The following STPG2 variants were observed in gnomAD, a reference collection of about 807,000 sequenced individuals.
STPG2 encodes the protein sperm-tail PG-rich repeat-containing protein 2.
A neutral mutation model predicts 54.2 loss-of-function variants in STPG2; 56 were observed. That is an observed-to-expected ratio of 1.03 (90% CI 0.83 to 1.29). STPG2 has a LOEUF of 1.29. Ranked by LOEUF, STPG2 falls within the 50% of genes most tolerant of loss-of-function variation. The pLI is 0.00. For synonymous variants in STPG2, 200 were observed against 181.8 expected (o/e 1.10, Z -0.81); for missense variants, 596 against 544.9 (o/e 1.09, Z -0.93).
intron 9 of STPG2, among the ~76,000 whole-genome samples, chr4:97,735,064 C>G (rs1470748832): frequency 1.1e-5 from 1 of 88,770 alleles, no homozygotes; most frequent in Non-Finnish European, 2.3e-5. Flanking sequence ...GAGAGCGAGA[C>G]ATCGTCTCAA....
intron 4 of STPG2, among the ~76,000 whole-genome samples, chr4:97,531,569 GA>G (rs1307837946): frequency 1.3e-5 from 2 of 152,178 alleles, no homozygotes; most frequent in Admixed American, 6.5e-5. Flanking sequence ...AACATTGATG[GA>G]AATGGAGGTC....
chr4:97,955,783 G>T (rs1241969867), intron 7 of STPG2, among the ~76,000 whole-genome samples: 4 of 152,032 alleles, frequency 2.6e-5, no homozygotes, highest in African/African-American at 9.7e-5. Context: ...GAAACAATAA[G>T]CTGGACAGCT....
At chr4:97,778,922 C>G (rs1007791646) in intron 9 of STPG2, among the ~76,000 whole-genome samples, 2 of 152,078 alleles carry the variant, frequency 1.3e-5, no homozygotes, top group Non-Finnish European at 1.5e-5. Context: ...ACACCAAAAC[C>G]CCATCTGAAC....
intron 10 of STPG2, among the ~76,000 whole-genome samples, chr4:97,701,931 G>A (rs564339368): frequency 6.6e-5 from 10 of 152,070 alleles, no homozygotes; most frequent in Admixed American, 6.6e-5. Flanking sequence ...GTTGAGTGAC[G>A]GTGGTTCCCA....
chr4:97,859,297 T>C (rs577889502), intron 8 of STPG2, among the ~76,000 whole-genome samples: 4 of 152,170 alleles, frequency 2.6e-5, no homozygotes, highest in Non-Finnish European at 5.9e-5. Context: ...TTCTTGATAT[T>C]GGTCCTTTGT....
intron 10 of STPG2, among the ~76,000 whole-genome samples, chr4:97,656,462 T>A (rs1221317272): frequency 6.6e-6 from 1 of 151,992 alleles, no homozygotes; most frequent in East Asian, 1.9e-4. Flanking sequence ...TCAAATCTTT[T>A]CTCTCCATTA....
chr4:97,672,193 G>A (rs566495163), intron 10 of STPG2, among the ~76,000 whole-genome samples: 56 of 76,846 alleles, frequency 7.3e-4, no homozygotes, highest in Admixed American at 1.6e-3. Flanking sequence ...TTTTTTTTGA[G>A]ATGGAGTTTC....
intron 8 of STPG2, among the ~76,000 whole-genome samples, chr4:97,847,820 GC>G (rs35536326): frequency 0.16 from 24,491 of 152,022 alleles, 2,126 homozygotes; most frequent in East Asian, 0.35. Flanking sequence ...TACAAAGCTG[GC>G]TTTTACTTTT....
chr4:97,952,488 T>A (rs1298428402), intron 7 of STPG2, among the ~76,000 whole-genome samples: 1 of 152,170 alleles, frequency 6.6e-6, no homozygotes, highest in Non-Finnish European at 1.5e-5. Context: ...CATACTTTCC[T>A]TTCGCCTAGG....
chr4:98,027,742 A>G (rs1736471307), intron 5 of STPG2, among the ~76,000 whole-genome samples: 1 of 152,200 alleles, frequency 6.6e-6, no homozygotes, highest in African/African-American at 2.4e-5. Context: ...TCACAGCTTC[A>G]CCCTCAGAGA....
At chr4:98,067,695 G>C (rs1355331750) in intron 5 of STPG2, among the ~76,000 whole-genome samples, 1 of 152,108 alleles carries the variant, frequency 6.6e-6, no homozygotes, top group Non-Finnish European at 1.5e-5. Context: ...TAGGCATAAA[G>C]TTAAAAGAGA....
At chr4:97,897,153 GCA>G (rs1730987826) in intron 8 of STPG2, among the ~76,000 whole-genome samples, 1 of 152,006 alleles carries the variant, frequency 6.6e-6, no homozygotes, top group Non-Finnish European at 1.5e-5. Context: ...GTGAAAATAT[GCA>G]GTATTTGGTT....
rs1406084290 is a variant in STPG2 at position 98,120,068 on chromosome 4, A to AT, written c.387+8359dup. 4.0e-4 allele frequency among the ~76,000 whole-genome samples: 61 copies of AT among 151,552 alleles called. 1 individual carries two copies. Among genetic ancestry groups the AT allele is most frequent in the South Asian group, 4.2e-4 (2 of 4,794 alleles). Reference sequence around the variant, plus strand: ...AGTGCTGGAATGAACATATTCATGCATTTTTTTTGTTTTTGTTTTTGTTTT... The same window carrying AT: ...AGTGCTGGAATGAACATATTCATGCATTTTTTTTTGTTTTTGTTTTTGTTTT... On this transcript the variant is annotated intron_variant, in intron 3 of 10. Coordinates refer to ENST00000295268, the MANE Select transcript of STPG2 (RefSeq NM_174952.3).
At chr4:97,597,939 A>T (rs1197353908) in intron 10 of STPG2, among the ~76,000 whole-genome samples, 1 of 152,184 alleles carries the variant, frequency 6.6e-6, no homozygotes, top group Non-Finnish European at 1.5e-5. Flanking sequence ...AGGAAATCAA[A>T]CTATCTCTGG....
At chr4:98,098,616 A>G (rs1738930888) in intron 5 of STPG2, among the ~76,000 whole-genome samples, 1 of 152,186 alleles carries the variant, frequency 6.6e-6, no homozygotes, top group Non-Finnish European at 1.5e-5. Context: ...GCAAAAATGG[A>G]CAAATGGTAT....
chr4:97,620,179 T>C (rs1488164416), intron 10 of STPG2, among the ~76,000 whole-genome samples: 1 of 152,186 alleles, frequency 6.6e-6, no homozygotes, highest in Non-Finnish European at 1.5e-5. Context: ...TTCAAGCTTC[T>C]TAAAGGTAGG....
intron 8 of STPG2, among the ~76,000 whole-genome samples, chr4:97,912,063 G>A (rs1381504856): frequency 1.3e-5 from 2 of 152,086 alleles, no homozygotes; most frequent in African/African-American, 4.8e-5. Context: ...ATTAGGGTCC[G>A]GAGTGGACCC....
chr4:97,968,356 G>C (rs1329745276), intron 7 of STPG2, among the ~76,000 whole-genome samples: 1 of 152,076 alleles, frequency 6.6e-6, no homozygotes, highest in Admixed American at 6.6e-5. Flanking sequence ...TTCTACCAGA[G>C]GTAAAAAGAG....
intron 7 of STPG2, among the ~76,000 whole-genome samples, chr4:97,953,965 T>C (rs551420544): frequency 1.3e-5 from 2 of 152,324 alleles, no homozygotes; most frequent in South Asian, 4.1e-4. Flanking sequence ...CAATCTGCCA[T>C]CTTGGAAAAA....
Sources: allele counts gnomAD v4.1 joint callset (sites outside exome capture counted in the v4.1 genomes callset), GRCh38; gene constraint gnomAD v4.1.1; transcripts MANE v1.5; gene names NCBI Gene and HGNC (gene_info 2026-07-23, HGNC 2026-07-21).